The following PHF21A variants were observed in gnomAD, a reference collection of about 807,000 sequenced individuals.
PHF21A encodes PHD finger protein 21A, also known as BHC80a.
A neutral mutation model predicts 82.5 loss-of-function variants in PHF21A; 11 were observed. That is an observed-to-expected ratio of 0.13 (90% CI 0.08 to 0.22). The LOEUF is 0.22. Ranked by LOEUF, PHF21A falls within the 10% of genes least tolerant of loss-of-function variation. The probability of loss-of-function intolerance (pLI) is 1.00; values close to 1 mark genes in which losing one functional copy is unlikely to be tolerated. For missense variants in PHF21A, 579 were observed against 837.8 expected (o/e 0.69, Z 3.81); for synonymous variants, 297 against 302.8 (o/e 0.98, Z 0.20).
intron 6 of PHF21A, chr11:46,049,549 G>A (rs1289247359): frequency 5.5e-5 from 25 of 452,610 alleles, no homozygotes; most frequent in South Asian, 2.0e-4. Flanking sequence ...AGGGTGTGGC[G>A]GGGGAAGGAG....
Position 45,930,560 on chromosome 11 carries a change from A to G in PHF21A, c.*3408T>C. 1 of 152,838 alleles carries G rather than the reference A, an allele frequency of 6.5e-6. No homozygotes were observed. The highest frequency in any genetic ancestry group is 1.5e-5 in the Non-Finnish European group (1 of 68,414). 9.5% of individuals were successfully genotyped at this position (152,838 alleles called of 1,614,324 possible). On this transcript the variant is annotated 3_prime_UTR_variant, in exon 19 of 19. Transcript: ENST00000676320. ...ACCCAGCAGGCTCCATGAAAGAAAA[A>G]GGACCCACAGGCAGCAAGAATGCAG...
intron 6 of PHF21A, among the ~76,000 whole-genome samples, chr11:46,045,076 C>G (rs1212119840): frequency 2.0e-5 from 3 of 152,106 alleles, no homozygotes; most frequent in Non-Finnish European, 2.9e-5. Flanking sequence ...AAGTTCTTAT[C>G]TTTATTTTGT....
intron 1 of PHF21A, among the ~76,000 whole-genome samples, chr11:46,114,948 A>G (rs1015919837): frequency 3.3e-5 from 5 of 152,210 alleles, no homozygotes; most frequent in African/African-American, 9.6e-5. Flanking sequence ...GAGTCAAAAT[A>G]AAGCCTAGAT....
intron 7 of PHF21A, among the ~76,000 whole-genome samples, chr11:45,972,544 G>A (rs1308369454): frequency 3.9e-5 from 6 of 152,212 alleles, no homozygotes; most frequent in South Asian, 4.1e-4. Flanking sequence ...TTGGGAAACC[G>A]AGGCAGGTGG....
chr11:46,020,438 G>A (rs1167640676), intron 6 of PHF21A, among the ~76,000 whole-genome samples: 4 of 152,108 alleles, frequency 2.6e-5, no homozygotes, highest in Admixed American at 6.5e-5. Context: ...GGGAAGCACC[G>A]TGTACATACG....
intron 4 of PHF21A, among the ~76,000 whole-genome samples, chr11:46,081,505 C>G (rs1298975932): frequency 1.3e-5 from 2 of 152,202 alleles, no homozygotes; most frequent in Non-Finnish European, 2.9e-5. Flanking sequence ...TAAAAATTCA[C>G]TGATAACCAC....
intron 4 of PHF21A, among the ~76,000 whole-genome samples, chr11:46,082,882 T>C (rs1348628402): frequency 6.6e-6 from 1 of 152,198 alleles, no homozygotes; most frequent in African/African-American, 2.4e-5. Context: ...ATGTTAACTT[T>C]GCCATCTCAA....
chr11:45,947,775 CACAAAACAAAACAAA>C (rs1161047533), intron 14 of PHF21A, among the ~76,000 whole-genome samples: 1 of 151,926 alleles, frequency 6.6e-6, no homozygotes, highest in South Asian at 2.1e-4. Flanking sequence ...AATCACCAAG[CACAAAACAAAACAAA>C]ACAAAACAAA....
chr11:46,000,990 A>C (rs997230080), intron 6 of PHF21A, among the ~76,000 whole-genome samples: 2 of 152,148 alleles, frequency 1.3e-5, no homozygotes, highest in African/African-American at 2.4e-5. Flanking sequence ...TCACGTTCAG[A>C]GGTCACTGTG....
At chr11:46,107,488 T>C (rs2130475) in intron 1 of PHF21A, among the ~76,000 whole-genome samples, 23,028 of 152,188 alleles carry the variant, frequency 0.15, 3,712 homozygotes, top group East Asian at 0.58. Flanking sequence ...GTAAAAAACG[T>C]TGACTACTCT....
intron 1 of PHF21A, among the ~76,000 whole-genome samples, chr11:46,120,237 CA>C (rs1267830230): frequency 3.4e-5 from 5 of 146,116 alleles, no homozygotes; most frequent in African/African-American, 7.4e-5. Flanking sequence ...GATGGTTTTC[CA>C]AAAAAAAATT....
chr11:46,018,911 A>G (rs1289751549), intron 6 of PHF21A, among the ~76,000 whole-genome samples: 2 of 152,222 alleles, frequency 1.3e-5, no homozygotes, highest in Non-Finnish European at 2.9e-5. Context: ...ATGCAATCCA[A>G]TGCAAGACTT....
At chr11:46,077,659 CT>C (rs1448154358) in intron 5 of PHF21A, among the ~76,000 whole-genome samples, 3 of 152,116 alleles carry the variant, frequency 2.0e-5, no homozygotes, top group African/African-American at 7.2e-5. Flanking sequence ...TCCATGTGGA[CT>C]TTTTTATTAG....
intron 11 of PHF21A, among the ~76,000 whole-genome samples, chr11:45,952,084 C>T (rs993967803): frequency 6.6e-6 from 1 of 152,180 alleles, no homozygotes; most frequent in Non-Finnish European, 1.5e-5. Flanking sequence ...GGATTACAGG[C>T]GTGAGCCACC....
chr11:45,975,322 C>CAAAATAAAATAAAAT lies in PHF21A; in HGVS notation c.361-3970_361-3956dup, dbSNP rs58576083. The stretch of plus-strand genomic sequence containing the variant: ...CAGTGAGACCCTGTCTCAAAGAAAA[C>CAAAATAAAATAAAAT]AAAATAAAATAAAATAAAATAAAAT... On this transcript the variant is annotated intron_variant, in intron 7 of 18. Transcript: ENST00000676320. 5.3e-3 allele frequency among the ~76,000 whole-genome samples: 596 copies of CAAAATAAAATAAAAT among 112,140 alleles called. 9 individuals are homozygous for CAAAATAAAATAAAAT. Among genetic ancestry groups the CAAAATAAAATAAAAT allele is most frequent in the African/African-American group, 0.015 (485 of 31,956 alleles). The allele number at this position is 112,140 out of a possible 152,430, so 73.6% of individuals were successfully genotyped here.
At chr11:46,120,856 G>A (rs1853101292) in intron 1 of PHF21A, 79 bp downstream of exon 1, 1 of 153,162 alleles carries the variant, frequency 6.5e-6, no homozygotes, top group Non-Finnish European at 1.5e-5. Context: ...GGGGAGGGAG[G>A]GGAAATAGAG....
rs141686809 is a variant in PHF21A, at chr11:45,932,147, CAGCCT to C, written c.*1816_*1820del. On this transcript the variant is annotated 3_prime_UTR_variant, in exon 19 of 19. Transcript: ENST00000676320. This position sits in a 1 kb window ranked among gnomAD's most constrained non-coding sequence, Gnocchi z 4.3. Reference sequence around the variant, plus strand: ...TCTAAGCACCAAGGGCTGATGCAGCCAGCCTGTACTCCCGCACCCTCCTGTCACGG... The same window carrying C: ...TCTAAGCACCAAGGGCTGATGCAGCCGTACTCCCGCACCCTCCTGTCACGG... 132,107 of 151,814 alleles carry C rather than the reference CAGCCT, an allele frequency of 0.87. 57,834 individuals are homozygous for C. The highest frequency in any genetic ancestry group is 1 in the East Asian group (5,149 of 5,154). 9.4% of individuals were successfully genotyped at this position (151,814 alleles called of 1,614,324 possible).
At chr11:46,061,952 G>C (rs1281748784) in intron 6 of PHF21A, among the ~76,000 whole-genome samples, 1 of 152,126 alleles carries the variant, frequency 6.6e-6, no homozygotes, top group African/African-American at 2.4e-5. Flanking sequence ...GATGGGTTGG[G>C]TATAGAATTC....
rs151015262 is a variant in PHF21A at position 46,090,539 on chromosome 11, A to C, written c.-168T>G. 7.9e-5 allele frequency: 12 copies of C among 152,340 alleles called. No homozygotes were observed. The highest frequency in any genetic ancestry group is 2.4e-4 in the African/African-American group (10 of 41,576). The allele number at this position is 152,340 out of a possible 1,614,324, so 9.4% of individuals were successfully genotyped here. A position where few individuals can be genotyped will look rare whatever the true frequency, so the allele number is the denominator to read the frequency against. On this transcript the variant is annotated 5_prime_UTR_variant, in exon 3 of 19. The change abolishes an upstream ATG in the 5' untranslated region. Transcript: ENST00000676320. ...CCCCTCTTGGAGATTCACAATGCACATTAGCATATTAAAGGTTCTGAGAAG... is the reference window on the plus strand; with the variant it reads ...CCCCTCTTGGAGATTCACAATGCACCTTAGCATATTAAAGGTTCTGAGAAG...
Sources: gnomAD v4.1 joint callset for allele counts (sites outside exome capture counted in the v4.1 genomes callset) on GRCh38, gnomAD v4.1.1 for gene constraint, Gnocchi (gnomAD v3.1) non-coding constraint, MANE v1.5 for transcripts, NCBI Gene and HGNC (gene_info 2026-07-23, HGNC 2026-07-21) for gene names.